Variants in CCDC7 observed in about 807,000 individuals in gnomAD.
CCDC7 encodes the protein coiled-coil domain-containing protein 7.
Under a neutral mutation model 196.9 loss-of-function variants are expected in CCDC7, and 183 were observed. The ratio of observed to expected loss-of-function variants is 0.93; its 90% confidence interval spans 0.82 to 1.05. CCDC7 has a LOEUF of 1.05. CCDC7 is among the 50% of genes least tolerant of loss of function. The pLI, the probability that CCDC7 is intolerant of heterozygous loss-of-function variation, is 0.00. For missense variants in CCDC7, 1,540 were observed against 1,482.2 expected (o/e 1.04, Z -0.64); for synonymous variants, 525 against 484.6 (o/e 1.08, Z -1.10).
At chr10:32,768,510 T>C (rs925789714) in intron 28 of CCDC7, among the ~76,000 whole-genome samples, 2 of 152,184 alleles carry the variant, frequency 1.3e-5, no homozygotes, top group Non-Finnish European at 2.9e-5. Context: ...TGATGCCTTT[T>C]ATTTTTTTCT....
chr10:32,470,939 C>A, intron 5 of CCDC7, 125 bp from the exon 7 acceptor site: 1 of 855,502 alleles, frequency 1.2e-6, no homozygotes, highest in Non-Finnish European at 1.7e-6. Flanking sequence ...CATTACTTGG[C>A]TATAGCTATA....
chr10:32,724,729 A>C (rs1357141701), intron 25 of CCDC7, among the ~76,000 whole-genome samples: 1 of 152,068 alleles, frequency 6.6e-6, no homozygotes, highest in African/African-American at 2.4e-5. Context: ...TCCCCTTAAT[A>C]ATACAGTACC....
chr10:32,514,074 A>G (rs1290921423), intron 9 of CCDC7: 1 of 152,262 alleles, frequency 6.6e-6, no homozygotes, highest in African/African-American at 2.4e-5. Flanking sequence ...GATTTTAGAT[A>G]TAAAAACATC....
intron 21 of CCDC7, among the ~76,000 whole-genome samples, chr10:32,667,476 T>G (rs1198708003): frequency 6.6e-6 from 1 of 152,166 alleles, no homozygotes; most frequent in East Asian, 1.9e-4. Context: ...TCGCCTAGAT[T>G]TTCTTCTAGG....
At chr10:32,772,050 T>A (rs72782278) in intron 28 of CCDC7, among the ~76,000 whole-genome samples, 13,546 of 152,190 alleles carry the variant, frequency 0.089, 864 homozygotes, top group East Asian at 0.33. Context: ...AGAGATTCTA[T>A]CCTTTGTGTT....
At chr10:32,778,466 G>A (rs952303985) in intron 28 of CCDC7, among the ~76,000 whole-genome samples, 2 of 152,062 alleles carry the variant, frequency 1.3e-5, no homozygotes, top group South Asian at 4.1e-4. Flanking sequence ...TTTTTTCTGG[G>A]ATTCTCAAAG....
chr10:32,847,516 A>G (rs2093351922), intron 37 of CCDC7, among the ~76,000 whole-genome samples: 1 of 152,050 alleles, frequency 6.6e-6, no homozygotes. Context: ...TAATATAGAA[A>G]TTTCAAAAGA....
At chr10:32,623,684 G>T (rs769037114) in intron 18 of CCDC7, 5 of 465,140 alleles carry the variant, frequency 1.1e-5, no homozygotes, top group African/African-American at 2.0e-5. Flanking sequence ...TATTTATAAG[G>T]AAAAGAGGTC....
chr10:32,571,969 C>A (rs772831664), intron 16 of CCDC7, 76 bp downstream of exon 17: 3 of 1,328,026 alleles, frequency 2.3e-6, no homozygotes, highest in Non-Finnish European at 3.0e-6. Context: ...ATGAAAATAA[C>A]CATTCTAAAT....
intron 7 of CCDC7, 84 bp downstream of exon 8, chr10:32,472,626 ACT>A: frequency 1.6e-6 from 2 of 1,249,164 alleles, no homozygotes; most frequent in South Asian, 3.7e-5. Context: ...AGAGGGTCTC[ACT>A]CTGTCACCCA....
chr10:32,565,500 A>C (rs573919279), intron 13 of CCDC7, 58 bp from the exon 15 acceptor site: 2 of 1,552,436 alleles, frequency 1.3e-6, no homozygotes, highest in Admixed American at 3.8e-5. Context: ...TACTGGTAAA[A>C]CTAAATTAAT....
chr10:32,838,999 A>G (rs2092801723), intron 33 of CCDC7, among the ~76,000 whole-genome samples: 1 of 151,988 alleles, frequency 6.6e-6, no homozygotes, highest in Admixed American at 6.6e-5. Context: ...AAATCTTGAA[A>G]CAAACCCTCA....
At chr10:32,463,233 A>T (rs1282824166) in intron 5 of CCDC7, among the ~76,000 whole-genome samples, 184 bp downstream of exon 6, 1 of 152,132 alleles carries the variant, frequency 6.6e-6, no homozygotes, top group Non-Finnish European at 1.5e-5. Flanking sequence ...AGTGACCTAC[A>T]CCCTATATCC....
chr10:32,880,396 G>T (rs977076050), downstream of CCDC7, among the ~76,000 whole-genome samples: 4 of 151,680 alleles, frequency 2.6e-5, no homozygotes, highest in Non-Finnish European at 4.4e-5. Flanking sequence ...TTTTAATGGG[G>T]TTTTTTCTTT....
At chr10:32,551,438 G>A (rs111759115) in intron 13 of CCDC7, among the ~76,000 whole-genome samples, 2 of 151,810 alleles carry the variant, frequency 1.3e-5, no homozygotes, top group Non-Finnish European at 2.9e-5. Context: ...CTTCTGCTGG[G>A]TTTGGGTTTG....
intron 1 of CCDC7, among the ~76,000 whole-genome samples, chr10:32,452,310 T>C (rs183711816): frequency 1.6e-4 from 24 of 152,302 alleles, no homozygotes; most frequent in Non-Finnish European, 3.1e-4. Context: ...ACAAACAGTT[T>C]AGGGACAGTG....
intron 28 of CCDC7, among the ~76,000 whole-genome samples, chr10:32,752,789 A>G (rs1348978388): frequency 6.6e-6 from 1 of 152,044 alleles, no homozygotes; most frequent in Non-Finnish European, 1.5e-5. Context: ...CAATGTCTAG[A>G]TTTTTCCTTA....
At chr10:32,826,184 CCAG>C (rs1377085461) in intron 32 of CCDC7, among the ~76,000 whole-genome samples, 2 of 152,154 alleles carry the variant, frequency 1.3e-5, no homozygotes, top group African/African-American at 4.8e-5. Context: ...GACTAAAGTC[CCAG>C]CAGTCCCCTA....
chr10:32,548,456 A>G (rs1230205700), intron 13 of CCDC7, among the ~76,000 whole-genome samples: 1 of 152,146 alleles, frequency 6.6e-6, no homozygotes, highest in African/African-American at 2.4e-5. Context: ...TACTGATTAG[A>G]ACTGGTGGAA....
Sources: gnomAD v4.1 joint callset for allele counts (sites outside exome capture counted in the v4.1 genomes callset) on GRCh38, gnomAD v4.1.1 for gene constraint, MANE v1.5 for transcripts, NCBI Gene and HGNC (gene_info 2026-07-23, HGNC 2026-07-21) for gene names.